The following MTCL3 variants were observed in gnomAD, a reference collection of about 807,000 sequenced individuals.
The protein encoded by MTCL3 is microtubule cross-linking factor 3.
At chr6:127,510,489 C>G in the MTCL3 span, among the ~76,000 whole-genome samples, 1 of 152,196 alleles carries the variant, frequency 6.6e-6, no homozygotes, top group Admixed American at 6.5e-5. Context: ...TCCCATTGTT[C>G]TGGCTAATGG....
the MTCL3 span, chr6:127,515,765 C>T: frequency 6.2e-7 from 1 of 1,603,674 alleles, no homozygotes; most frequent in Admixed American, 1.7e-5. The surrounding 1 kb of genome is among the most constrained non-coding windows in gnomAD (Gnocchi z 4.3). Context: ...CTGCTGCCGC[C>T]GCCGTTCTTA....
the MTCL3 span, among the ~76,000 whole-genome samples, chr6:127,516,944 T>C: frequency 1.3e-5 from 2 of 152,090 alleles, no homozygotes; most frequent in Admixed American, 6.5e-5. Flanking sequence ...CCTTACATTC[T>C]CATGGTAGCA....
chr6:127,503,388 T>C, the MTCL3 span, among the ~76,000 whole-genome samples: 5 of 152,374 alleles, frequency 3.3e-5, no homozygotes, highest in African/African-American at 1.2e-4. Flanking sequence ...ACTGAGCCAC[T>C]GCAGCCCTGG....
At chr6:127,514,450 C>T in the MTCL3 span, among the ~76,000 whole-genome samples, 1 of 152,206 alleles carries the variant, frequency 6.6e-6, no homozygotes, top group Admixed American at 6.5e-5. Context: ...TCCTGACTGC[C>T]CGATTCCACC....
the MTCL3 span, among the ~76,000 whole-genome samples, chr6:127,482,739 TAAGTA>T: frequency 6.6e-6 from 1 of 152,238 alleles, no homozygotes; most frequent in Non-Finnish European, 1.5e-5. This position sits in a 1 kb window ranked among gnomAD's most constrained non-coding sequence, Gnocchi z 4.1. Context: ...GTTGGCTTTA[TAAGTA>T]AATATTCTGA....
chr6:127,484,698 T>G, the MTCL3 span, among the ~76,000 whole-genome samples: 2 of 152,186 alleles, frequency 1.3e-5, no homozygotes, highest in Non-Finnish European at 2.9e-5. Context: ...CTCAGCTTAC[T>G]TGGCATGATC....
the MTCL3 span, among the ~76,000 whole-genome samples, chr6:127,509,403 T>C: frequency 6.6e-6 from 1 of 152,206 alleles, no homozygotes; most frequent in African/African-American, 2.4e-5. Context: ...AATTGGTCAA[T>C]ACCCTTGAAG....
chr6:127,474,311 T>C, the MTCL3 span, among the ~76,000 whole-genome samples: 1,306 of 152,262 alleles, frequency 8.6e-3, 25 homozygotes, highest in African/African-American at 0.03. Flanking sequence ...AGAGTCTCAC[T>C]CTGTCGCCTA....
chr6:127,518,081 C>T, the MTCL3 span, among the ~76,000 whole-genome samples: 1 of 152,178 alleles, frequency 6.6e-6, no homozygotes, highest in African/African-American at 2.4e-5. Flanking sequence ...CTGGCATCTC[C>T]TTCCAACTCA....
At chr6:127,487,400 C>T in the MTCL3 span, among the ~76,000 whole-genome samples, 3 of 152,254 alleles carry the variant, frequency 2.0e-5, no homozygotes, top group Non-Finnish European at 4.4e-5. Flanking sequence ...ACACCACTTA[C>T]TGGTTCTTAA....
chr6:127,475,677 C>G, the MTCL3 span: 6 of 1,586,196 alleles, frequency 3.8e-6, no homozygotes, highest in Admixed American at 1.7e-5. The surrounding 1 kb of genome is among the most constrained non-coding windows in gnomAD (Gnocchi z 7.3). Flanking sequence ...GCACCTCCTC[C>G]GAGTCGCTCT....
At chr6:127,492,319 G>A in the MTCL3 span, among the ~76,000 whole-genome samples, 1 of 20,134 alleles carries the variant, frequency 5.0e-5, no homozygotes, top group African/African-American at 2.4e-4. Flanking sequence ...TCTTCACCCC[G>A]GGATTAAAAA....
At chr6:127,482,857 G>T in the MTCL3 span, 1 of 1,294,830 alleles carries the variant, frequency 7.7e-7, no homozygotes, top group Non-Finnish European at 1.1e-6. The surrounding 1 kb of genome is among the most constrained non-coding windows in gnomAD (Gnocchi z 4.1). Flanking sequence ...TGTAGTTTGT[G>T]ATTATATACA....
chr6:127,494,356 T>G, the MTCL3 span, among the ~76,000 whole-genome samples: 3 of 151,934 alleles, frequency 2.0e-5, no homozygotes, highest in Non-Finnish European at 2.9e-5. Context: ...TTAAAAACCA[T>G]AGGATATCAG....
chr6:127,494,972 C>G, the MTCL3 span, among the ~76,000 whole-genome samples: 83 of 152,138 alleles, frequency 5.5e-4, no homozygotes, highest in Middle Eastern at 6.8e-3. Flanking sequence ...CCGAGTCGGG[C>G]AGACCACGAG....
At chr6:127,509,237 C>A in the MTCL3 span, among the ~76,000 whole-genome samples, 1 of 152,170 alleles carries the variant, frequency 6.6e-6, no homozygotes, top group African/African-American at 2.4e-5. Context: ...TCAATACAAG[C>A]AATGAGATGC....
chr6:127,474,839 A>G, the MTCL3 span, among the ~76,000 whole-genome samples: 4 of 152,246 alleles, frequency 2.6e-5, no homozygotes, highest in Admixed American at 2.0e-4. Flanking sequence ...TCGGCCTCCT[A>G]GTCTAGTCAT....
the MTCL3 span, among the ~76,000 whole-genome samples, chr6:127,505,277 T>C: frequency 2.8e-4 from 42 of 152,320 alleles, no homozygotes; most frequent in African/African-American, 9.1e-4. Flanking sequence ...TAAATGCCTA[T>C]CAATTATAGA....
the MTCL3 span, among the ~76,000 whole-genome samples, chr6:127,484,857 G>T: frequency 6.6e-6 from 1 of 152,114 alleles, no homozygotes; most frequent in South Asian, 2.1e-4. Flanking sequence ...CACTTTGCAG[G>T]TGCTGAAACT....
Sources: gnomAD v4.1 joint callset for allele counts (sites outside exome capture counted in the v4.1 genomes callset) on GRCh38, gnomAD v4.1.1 for gene constraint, Gnocchi (gnomAD v3.1) non-coding constraint, MANE v1.5 for transcripts, NCBI Gene and HGNC (gene_info 2026-07-23, HGNC 2026-07-21) for gene names.